The following EPCIP variants were observed in gnomAD, a reference collection of about 807,000 sequenced individuals.
The protein encoded by EPCIP is exosomal polycystin 1 interacting protein, also known as exosomal polycystin-1-interacting protein.
chr21:32,794,474 G>T, the EPCIP span: 2 of 1,543,682 alleles, frequency 1.3e-6, no homozygotes, highest in East Asian at 2.3e-5. Flanking sequence ...GAACCAATTT[G>T]TTGGAACTCA....
At chr21:32,790,991 T>TC in the EPCIP span, 6 of 152,246 alleles carry the variant, frequency 3.9e-5, no homozygotes, top group Admixed American at 3.3e-4. Context: ...CATCAGATTT[T>TC]CCCATGGCAA....
chr21:32,810,244 ATCTTTTTTTTT>A, the EPCIP span, among the ~76,000 whole-genome samples: 1 of 80,636 alleles, frequency 1.2e-5, no homozygotes, highest in Non-Finnish European at 2.4e-5. Flanking sequence ...CTGGCATTTG[ATCTTTTTTTTT>A]TTTTTTTTTT....
At chr21:32,793,033 C>T in the EPCIP span, among the ~76,000 whole-genome samples, 1 of 151,818 alleles carries the variant, frequency 6.6e-6, no homozygotes, top group Non-Finnish European at 1.5e-5. Context: ...GATTTTGGCT[C>T]ACTGCAACCT....
At chr21:32,804,337 G>A in the EPCIP span, among the ~76,000 whole-genome samples, 1 of 149,658 alleles carries the variant, frequency 6.7e-6, no homozygotes, top group Non-Finnish European at 1.5e-5. Context: ...TTAGAGATGG[G>A]GTCTCACTAT....
the EPCIP span, among the ~76,000 whole-genome samples, chr21:32,812,319 C>T: frequency 4.6e-5 from 7 of 152,320 alleles, no homozygotes; most frequent in South Asian, 2.1e-4. Flanking sequence ...CTTGGTCCCA[C>T]GCCCACAGAA....
the EPCIP span, chr21:32,794,521 A>T: frequency 9.0e-7 from 1 of 1,111,702 alleles, no homozygotes; most frequent in East Asian, 2.5e-5. Flanking sequence ...ACAACCTTTC[A>T]TTTGAAATAC....
chr21:32,803,965 C>T, the EPCIP span, among the ~76,000 whole-genome samples: 1 of 152,076 alleles, frequency 6.6e-6, no homozygotes, highest in Admixed American at 6.6e-5. Context: ...CTGATGTGAT[C>T]GGAATCTCAT....
chr21:32,809,277 T>TCCC, the EPCIP span, among the ~76,000 whole-genome samples: 15,049 of 111,034 alleles, frequency 0.14, 2,482 homozygotes, highest in Non-Finnish European at 0.16. Flanking sequence ...CCCTCCCTCC[T>TCCC]TCCTTTCTTT....
At chr21:32,798,761 C>T in the EPCIP span, 166 of 152,162 alleles carry the variant, frequency 1.1e-3, 1 homozygote, top group Middle Eastern at 0.031. Flanking sequence ...CTCAGGAGTT[C>T]GAGATCATTC....
the EPCIP span, among the ~76,000 whole-genome samples, chr21:32,804,275 T>TATATATATATATATATATATATATA: frequency 7.1e-6 from 1 of 140,960 alleles, no homozygotes; most frequent in African/African-American, 2.7e-5. Flanking sequence ...ATGCATGTGA[T>TATATATATATATATATATATATATA]TATATATATA....
the EPCIP span, chr21:32,798,550 C>G: frequency 6.6e-6 from 1 of 152,286 alleles, no homozygotes; most frequent in Non-Finnish European, 1.5e-5. Flanking sequence ...CTCTCAAGTA[C>G]CCCTCGTGAG....
chr21:32,799,765 A>C, the EPCIP span, among the ~76,000 whole-genome samples: 2 of 152,148 alleles, frequency 1.3e-5, no homozygotes, highest in Admixed American at 1.3e-4. Context: ...AACATGGGGA[A>C]ACCCTGTCTC....
chr21:32,797,606 C>A, the EPCIP span: 2 of 152,512 alleles, frequency 1.3e-5, no homozygotes, highest in Non-Finnish European at 2.9e-5. Flanking sequence ...CTTAAGAGAG[C>A]AGTTTTTGGG....
chr21:32,810,223 C>T, the EPCIP span, among the ~76,000 whole-genome samples: 16 of 148,220 alleles, frequency 1.1e-4, no homozygotes, highest in African/African-American at 3.7e-4. Flanking sequence ...CACTCCTTCT[C>T]AGTCTTTTGG....
chr21:32,804,104 A>G, the EPCIP span, among the ~76,000 whole-genome samples: 1 of 152,082 alleles, frequency 6.6e-6, no homozygotes. Context: ...CAAGTATGCA[A>G]TTTGGGTTTT....
At chr21:32,791,414 T>C in the EPCIP span, 2 of 152,196 alleles carry the variant, frequency 1.3e-5, no homozygotes, top group Non-Finnish European at 2.9e-5. Context: ...ATAAAAATTA[T>C]TAAAATTCAA....
the EPCIP span, chr21:32,798,493 A>T: frequency 6.6e-6 from 1 of 152,228 alleles, no homozygotes; most frequent in Admixed American, 6.5e-5. Context: ...GGTTCATGAC[A>T]GCCTATTCTG....
chr21:32,797,775 A>C, the EPCIP span: 2 of 152,236 alleles, frequency 1.3e-5, no homozygotes, highest in Admixed American at 6.5e-5. Context: ...TTGGGTAAAA[A>C]AAAATAAAAA....
chr21:32,806,760 C>T, the EPCIP span, among the ~76,000 whole-genome samples: 3 of 152,174 alleles, frequency 2.0e-5, no homozygotes, highest in African/African-American at 7.2e-5. Flanking sequence ...ATTAATTTCA[C>T]CCACTAATTT....
Sources: gnomAD v4.1 joint callset for allele counts (sites outside exome capture counted in the v4.1 genomes callset) on GRCh38, gnomAD v4.1.1 for gene constraint, MANE v1.5 for transcripts, NCBI Gene and HGNC (gene_info 2026-07-23, HGNC 2026-07-21) for gene names.